Variants in OTOA observed in about 807,000 individuals in gnomAD.
OTOA encodes the protein otoancorin.
OTOA carries 70 observed loss-of-function variants against 110.8 expected under a neutral mutation model. The observed-to-expected ratio is 0.63, with a 90% CI of 0.52 to 0.77. OTOA has a LOEUF of 0.77. Among genes scored for constraint, OTOA ranks in the 30% least tolerant of loss-of-function variants. The probability of loss-of-function intolerance (pLI) is 0.00; values close to 1 mark genes in which losing one functional copy is unlikely to be tolerated. For synonymous variants in OTOA, 373 were observed against 431.5 expected, an observed-to-expected ratio of 0.86 and a Z score of 1.68; for missense variants, 917 against 1,075.8, an observed-to-expected ratio of 0.85 and a Z score of 2.06.
At chr16:21,672,172 CT>C (rs1431265054) in intron 1 of OTOA, among the ~76,000 whole-genome samples, 1 of 151,966 alleles carries the variant, frequency 6.6e-6, no homozygotes, top group African/African-American at 2.4e-5. Flanking sequence ...GTTATGTGGT[CT>C]TTTTTGACTG....
chr16:21,702,588 A>T (rs988430162), intron 11 of OTOA, among the ~76,000 whole-genome samples: 2 of 152,188 alleles, frequency 1.3e-5, no homozygotes, highest in African/African-American at 4.8e-5. Context: ...GTAAAATGGG[A>T]GATAAAAATA....
At chr16:21,711,101 A>G (rs901163626) in intron 13 of OTOA, among the ~76,000 whole-genome samples, 1 of 152,244 alleles carries the variant, frequency 6.6e-6, no homozygotes, top group African/African-American at 2.4e-5. Flanking sequence ...AAGCTAGACC[A>G]CCAGGTGACA....
chr16:21,728,508 C>G (rs1348249247), intron 20 of OTOA, 77 bp downstream of exon 20: 1 of 1,499,562 alleles, frequency 6.7e-7, no homozygotes, highest in African/African-American at 1.4e-5. Context: ...CTCTCCTGCC[C>G]TGCAAACAGA....
chr16:21,683,678 C>G (rs1490080235), intron 6 of OTOA, among the ~76,000 whole-genome samples: 1 of 151,894 alleles, frequency 6.6e-6, no homozygotes, highest in Non-Finnish European at 1.5e-5. Flanking sequence ...TGCATTTCAG[C>G]CTGGGCAACA....
intron 15 of OTOA, 85 bp from the exon 16 acceptor site, chr16:21,719,048 G>A (rs1031773798): frequency 7.5e-7 from 1 of 1,328,894 alleles, no homozygotes; most frequent in Non-Finnish European, 1.1e-6. Context: ...AAATGGGATT[G>A]TGGAATGCCT....
intron 18 of OTOA, among the ~76,000 whole-genome samples, chr16:21,724,275 G>A (rs1432111453): frequency 6.6e-6 from 1 of 152,060 alleles, no homozygotes; most frequent in Non-Finnish European, 1.5e-5. Flanking sequence ...CATAGAGGAG[G>A]GAATATCACC....
chr16:21,717,849 C>T (rs574542730), intron 15 of OTOA, among the ~76,000 whole-genome samples: 1 of 152,306 alleles, frequency 6.6e-6, no homozygotes. Flanking sequence ...CTGTCTGTTC[C>T]AGGCGCTCTT....
chr16:21,685,148 G>A (rs76439521), intron 6 of OTOA, 82 bp from the exon 7 acceptor site: 10 of 1,565,048 alleles, frequency 6.4e-6, no homozygotes, highest in African/African-American at 5.4e-5. Flanking sequence ...TGAGGGGGCC[G>A]GGCTGGGCCG....
At position 21,726,512 on chromosome 16, in the gene OTOA, T is replaced by G; in HGVS notation, c.1881-11T>G. ...TGTGTTCCTCCTCTTGTTCTCCCCATCTCTCTCCAGGGCCCGCTACCTGGC... is the reference window on the plus strand; with the variant it reads ...TGTGTTCCTCCTCTTGTTCTCCCCAGCTCTCTCCAGGGCCCGCTACCTGGC... On this transcript the variant is annotated splice_polypyrimidine_tract_variant and intron_variant, in intron 18 of 28. Coordinates refer to ENST00000646100, the MANE Select transcript of OTOA (RefSeq NM_144672.4). The G allele has an allele frequency of 6.2e-7, 1 of 1,613,230 alleles. No homozygotes were observed. The highest frequency in any genetic ancestry group is 8.5e-7 in the Non-Finnish European group (1 of 1,179,990).
chr16:21,721,139 T>A (rs542847258), intron 17 of OTOA, among the ~76,000 whole-genome samples: 1 of 151,318 alleles, frequency 6.6e-6, no homozygotes, highest in East Asian at 1.9e-4. Flanking sequence ...GGTCTTGAAC[T>A]CCTGACCTCC....
At chr16:21,734,935 T>A (rs1567399223) in intron 21 of OTOA, among the ~76,000 whole-genome samples, 2 of 151,800 alleles carry the variant, frequency 1.3e-5, no homozygotes, top group Non-Finnish European at 2.9e-5. Flanking sequence ...GGCCAGGAGT[T>A]TGAGACCAGC....
chr16:21,670,687 T>C, intron 1 of OTOA, among the ~76,000 whole-genome samples: 1 of 152,186 alleles, frequency 6.6e-6, no homozygotes, highest in Admixed American at 6.5e-5. Context: ...TCAACAAATA[T>C]TTGAAGAATG....
intron 9 of OTOA, among the ~76,000 whole-genome samples, chr16:21,692,941 A>AG (rs1897861602): frequency 6.7e-6 from 1 of 149,702 alleles, no homozygotes; most frequent in Non-Finnish European, 1.5e-5. Flanking sequence ...AAAAAAAAAA[A>AG]AAAAGAAAGA....
At chr16:21,732,662 A>G (rs923429069) in intron 21 of OTOA, among the ~76,000 whole-genome samples, 4 of 152,148 alleles carry the variant, frequency 2.6e-5, no homozygotes, top group African/African-American at 9.7e-5. Context: ...TCAAAAACAC[A>G]GTGTAGAGTT....
At chr16:21,693,621 A>T (rs1216796566) in intron 9 of OTOA, among the ~76,000 whole-genome samples, 2 of 152,146 alleles carry the variant, frequency 1.3e-5, no homozygotes, top group Non-Finnish European at 2.9e-5. Context: ...TTACTCTGTC[A>T]CCCAGGCTGG....
chr16:21,753,978 T>G (rs1899908066), intron 27 of OTOA, among the ~76,000 whole-genome samples: 1 of 135,090 alleles, frequency 7.4e-6, no homozygotes, highest in Non-Finnish European at 1.6e-5. Context: ...GAGAATCACT[T>G]GAACCCGGGA....
rs569024906 is a variant in OTOA at position 21,760,692 on chromosome 16, A to C, written c.*152A>C. Reference sequence around the variant, plus strand: ...GGCCTTGATGGTGAAAATGCACCCCAAATGAAAAATAATTATTAAAAATGA... The same window carrying C: ...GGCCTTGATGGTGAAAATGCACCCCCAATGAAAAATAATTATTAAAAATGA... On this transcript the variant is annotated 3_prime_UTR_variant, in exon 29 of 29. Transcript: ENST00000646100. The C allele has an allele frequency of 1.2e-5, 6 of 505,210 alleles. No homozygotes were observed. Among genetic ancestry groups the C allele is most frequent in the Admixed American group, 3.3e-5 (1 of 29,956 alleles). The allele number at this position is 505,210 out of a possible 1,614,324, so 31.3% of individuals were successfully genotyped here.
chr16:21,705,276 A>C lies in OTOA; in HGVS notation c.1088A>C (p.Gln363Pro). Reference sequence around the variant, plus strand: ...AAGTGCAGCCACCTGAGGGGCTTCCAGGCTGGCGTCCAGAAGGTACAGCTG... The same window carrying C: ...AAGTGCAGCCACCTGAGGGGCTTCCCGGCTGGCGTCCAGAAGGTACAGCTG... ...MIKCSHLRGFQAGVQKLKAEL... is the reference protein window; with the variant it reads ...MIKCSHLRGFPAGVQKLKAEL... The change falls in exon 12 of 29, where the codon CAG (glutamine) becomes CCG (proline). Residue 363 changes from glutamine (Q) to proline (P), a missense_variant. Gln to Pro is a moderately conservative substitution (Grantham distance 76, BLOSUM62 -1). This residue lies in a region of OTOA where 840 missense variants were observed against 910.2 expected (regional missense o/e 0.92). Transcript: ENST00000646100. 1 of 1,613,996 alleles carries C rather than the reference A, an allele frequency of 6.2e-7. No individual in the cohort carries two copies. The highest frequency in any genetic ancestry group is 8.5e-7 in the Non-Finnish European group (1 of 1,179,996).
At chr16:21,684,009 C>T (rs542278898) in intron 6 of OTOA, among the ~76,000 whole-genome samples, 5 of 152,044 alleles carry the variant, frequency 3.3e-5, no homozygotes, top group African/African-American at 9.6e-5. Flanking sequence ...CCTCATGATC[C>T]GCCTGTCTTG....
Sources: gnomAD v4.1 joint callset for allele counts (sites outside exome capture counted in the v4.1 genomes callset) on GRCh38, gnomAD v4.1.1 for gene constraint, gnomAD v4.1.1 regional missense constraint, MANE v1.5 for transcripts, NCBI Gene and HGNC (gene_info 2026-07-23, HGNC 2026-07-21) for gene names.